The following CCDC91 variants were observed in gnomAD, a reference collection of about 807,000 sequenced individuals.
The protein encoded by CCDC91 is coiled-coil domain containing 91, also known as coiled-coil domain-containing protein 91.
Under a neutral mutation model 63.2 loss-of-function variants are expected in CCDC91, and 48 were observed. The ratio of observed to expected loss-of-function variants is 0.76; its 90% CI spans 0.60 to 0.97. The LOEUF is 0.97. CCDC91 is among the 50% of genes least tolerant of loss of function. The pLI, the probability that CCDC91 is intolerant of heterozygous loss-of-function variation, is 0.00. For missense variants in CCDC91, 500 were observed against 494.6 expected (o/e 1.01, Z -0.10); for synonymous variants, 167 against 165.8 (o/e 1.01, Z -0.06).
chr12:28,397,533 A>T (rs1002929852), intron 8 of CCDC91, among the ~76,000 whole-genome samples: 24 of 152,166 alleles, frequency 1.6e-4, no homozygotes, highest in African/African-American at 5.8e-4. Context: ...AGTCCTAAGA[A>T]GGAAGCAATG....
At chr12:28,330,917 G>A (rs1046882620) in intron 6 of CCDC91, among the ~76,000 whole-genome samples, 1 of 152,158 alleles carries the variant, frequency 6.6e-6, no homozygotes, top group Non-Finnish European at 1.5e-5. Flanking sequence ...AAACCCCTCA[G>A]ATATTGGAGA....
intron 11 of CCDC91, among the ~76,000 whole-genome samples, chr12:28,462,030 C>T (rs528164146): frequency 3.8e-4 from 57 of 150,962 alleles, no homozygotes; most frequent in African/African-American, 6.3e-4. Context: ...GGTGCTGCAA[C>T]GAATTCATAA....
intron 6 of CCDC91, among the ~76,000 whole-genome samples, chr12:28,321,346 G>A (rs1205185119): frequency 1.3e-5 from 2 of 151,758 alleles, no homozygotes; most frequent in African/African-American, 4.8e-5. Context: ...AGTTCCTAGT[G>A]GGATAAATTT....
intron 6 of CCDC91, among the ~76,000 whole-genome samples, chr12:28,352,327 C>T (rs1418357516): frequency 6.6e-6 from 1 of 152,132 alleles, no homozygotes; most frequent in Admixed American, 6.5e-5. Context: ...CATCTATTGA[C>T]TCTTGCTTTC....
At chr12:28,397,818 A>G (rs1946381118) in intron 8 of CCDC91, among the ~76,000 whole-genome samples, 1 of 152,142 alleles carries the variant, frequency 6.6e-6, no homozygotes, top group African/African-American at 2.4e-5. Flanking sequence ...TAGAGACACT[A>G]TCTGTATTAT....
intron 8 of CCDC91, among the ~76,000 whole-genome samples, chr12:28,439,621 T>G (rs1446276512): frequency 6.6e-6 from 1 of 152,116 alleles, no homozygotes; most frequent in East Asian, 1.9e-4. Flanking sequence ...TTGCTTAGTC[T>G]AAAATGTAAT....
intron 11 of CCDC91, among the ~76,000 whole-genome samples, chr12:28,474,751 G>C: frequency 6.6e-6 from 1 of 150,660 alleles, no homozygotes; most frequent in East Asian, 1.9e-4. Flanking sequence ...GAATGTTGGA[G>C]ATATTGAGAG....
At chr12:28,388,880 C>G (rs1364237733) in intron 7 of CCDC91, among the ~76,000 whole-genome samples, 1 of 152,138 alleles carries the variant, frequency 6.6e-6, no homozygotes, top group Non-Finnish European at 1.5e-5. Context: ...GGACTTAAAT[C>G]TAAGACCTGA....
At chr12:28,472,238 G>A (rs1950857206) in intron 11 of CCDC91, among the ~76,000 whole-genome samples, 1 of 152,098 alleles carries the variant, frequency 6.6e-6, no homozygotes, top group Admixed American at 6.6e-5. Flanking sequence ...TAGATTGAGC[G>A]GCTGATTGCA....
At chr12:28,305,608 T>C in intron 3 of CCDC91, 41 bp from the exon 4 acceptor site, 1 of 1,558,280 alleles carries the variant, frequency 6.4e-7, no homozygotes, top group South Asian at 1.2e-5. Flanking sequence ...TGTTTTCTCT[T>C]TAATAATCCT....
chr12:28,449,787 A>G (rs1949710155), intron 8 of CCDC91, among the ~76,000 whole-genome samples: 1 of 151,948 alleles, frequency 6.6e-6, no homozygotes, highest in Admixed American at 6.6e-5. Context: ...TATATTTCTC[A>G]GTTATCATCT....
At chr12:28,404,828 T>TA (rs1946835247) in intron 8 of CCDC91, among the ~76,000 whole-genome samples, 1 of 152,082 alleles carries the variant, frequency 6.6e-6, no homozygotes, top group Non-Finnish European at 1.5e-5. Flanking sequence ...TCATCAGTGT[T>TA]ACCATAATAC....
chr12:28,461,955 G>C (rs1229127329), intron 11 of CCDC91, among the ~76,000 whole-genome samples: 3 of 151,966 alleles, frequency 2.0e-5, no homozygotes, highest in African/African-American at 7.2e-5. Context: ...ATAAGCAGCA[G>C]GTAAACAGAT....
At chr12:28,487,759 C>A (rs779069425) in intron 12 of CCDC91, among the ~76,000 whole-genome samples, 6 of 151,688 alleles carry the variant, frequency 4.0e-5, no homozygotes, top group Admixed American at 6.6e-5. Flanking sequence ...GTGAAGTAAT[C>A]TTCTGTTCTT....
intron 8 of CCDC91, among the ~76,000 whole-genome samples, chr12:28,447,691 GGAAT>G (rs1949569941): frequency 1.5e-5 from 2 of 137,576 alleles, no homozygotes; most frequent in South Asian, 5.2e-4. Context: ...AAGGAAGGAA[GGAAT>G]GAATAAAGAA....
At chr12:28,462,698 A>C (rs1950364535) in intron 11 of CCDC91, among the ~76,000 whole-genome samples, 1 of 152,158 alleles carries the variant, frequency 6.6e-6, no homozygotes, top group Non-Finnish European at 1.5e-5. Flanking sequence ...AGACTATGCT[A>C]TGTCATAAAT....
At chr12:28,333,396 GAAA>G (rs1217580461) in intron 6 of CCDC91, among the ~76,000 whole-genome samples, 1 of 89,104 alleles carries the variant, frequency 1.1e-5, no homozygotes. Context: ...CTCCATCTCA[GAAA>G]AAAAAAAAAA....
chr12:28,405,501 C>T (rs1177081123), intron 8 of CCDC91, among the ~76,000 whole-genome samples: 1 of 152,114 alleles, frequency 6.6e-6, no homozygotes, highest in Non-Finnish European at 1.5e-5. Flanking sequence ...TAGTTTCAAG[C>T]GTCTGACCTA....
chr12:28,360,609 A>G (rs569264052), intron 6 of CCDC91, among the ~76,000 whole-genome samples: 2 of 152,310 alleles, frequency 1.3e-5, no homozygotes, highest in East Asian at 3.9e-4. Context: ...ATTGAGATGT[A>G]TTCTTTATGT....
Sources: gnomAD v4.1 joint callset for allele counts (sites outside exome capture counted in the v4.1 genomes callset) on GRCh38, gnomAD v4.1.1 for gene constraint, MANE v1.5 for transcripts, NCBI Gene and HGNC (gene_info 2026-07-23, HGNC 2026-07-21) for gene names.